KDM4B: variants seen among roughly 807,000 people sequenced by gnomAD.
The protein encoded by KDM4B is lysine demethylase 4B, also known as lysine-specific demethylase 4B.
In KDM4B, 32 loss-of-function variants were observed where a neutral mutation model predicts 125.2. The ratio of observed to expected loss-of-function variants is 0.26; its 90% CI spans 0.19 to 0.34. The LOEUF (loss-of-function observed/expected upper bound fraction) is 0.34, where lower values mean the gene tolerates loss of function less well. Ranked by LOEUF, KDM4B falls within the 10% of genes least tolerant of loss-of-function variation. The pLI is 1.00. For synonymous variants in KDM4B, 721 were observed against 677.9 expected (o/e 1.06, Z -0.99); for missense variants, 1,190 against 1,577.7 (o/e 0.75, Z 4.16).
At chr19:5,050,336 T>C (rs1429255823) in intron 6 of KDM4B, among the ~76,000 whole-genome samples, 1 of 152,238 alleles carries the variant, frequency 6.6e-6, no homozygotes, top group African/African-American at 2.4e-5. Flanking sequence ...TAAGAATATC[T>C]GAAGAGACTG....
chr19:5,134,404 C>A (rs568105148), intron 14 of KDM4B, among the ~76,000 whole-genome samples: 6 of 152,178 alleles, frequency 3.9e-5, no homozygotes, highest in Non-Finnish European at 5.9e-5. Context: ...CCCAGGTACA[C>A]CACCTGGGTG....
chr19:5,071,736 C>T (rs963225148), intron 7 of KDM4B, among the ~76,000 whole-genome samples: 5 of 152,222 alleles, frequency 3.3e-5, no homozygotes, highest in African/African-American at 1.2e-4. Flanking sequence ...CCTGAGCTCC[C>T]CTGACCACCC....
intron 1 of KDM4B, among the ~76,000 whole-genome samples, chr19:4,982,755 G>A (rs948789031): frequency 6.6e-6 from 1 of 152,028 alleles, no homozygotes; most frequent in Non-Finnish European, 1.5e-5. Flanking sequence ...TGGGACTACA[G>A]GCGCGTGCCA....
rs2039960601 is a variant in KDM4B at position 5,152,188 on chromosome 19, G to T, written c.*677G>T. The T allele has an allele frequency of 6.6e-6, 1 of 152,258 alleles. No individual in the cohort carries two copies. Among genetic ancestry groups the T allele is most frequent in the Non-Finnish European group, 1.5e-5 (1 of 68,068 alleles). 9.4% of individuals were successfully genotyped at this position (152,258 alleles called of 1,614,324 possible). ...GCTCTCGCCTCACCCCGGCTCCTGG[G>T]CTTTGATGGTCTGGTGCCAGTGCCT... On this transcript the variant is annotated 3_prime_UTR_variant, in exon 23 of 23. Coordinates refer to ENST00000159111, the MANE Select transcript of KDM4B (RefSeq NM_015015.3).
Position 5,141,049 on chromosome 19 carries a change from A to G in KDM4B, c.2551-2918A>G, listed in dbSNP as rs1430118851. 1.3e-5 allele frequency: 2 copies of G among 152,292 alleles called. No homozygotes were observed. The highest frequency in any genetic ancestry group is 1.3e-4 in the Admixed American group (2 of 15,288). 9.4% of individuals were successfully genotyped at this position (152,292 alleles called of 1,614,324 possible). A position where few individuals can be genotyped will look rare whatever the true frequency, so the allele number is the denominator to read the frequency against. ...GCAGGGTGGGTCTGCTGGGGAGACC[A>G]CAAGGGTGGGACTGATGCCGGCCAC... On this transcript the variant is annotated intron_variant, in intron 18 of 22. Transcript: ENST00000159111. This position sits in a 1 kb window ranked among gnomAD's most constrained non-coding sequence, Gnocchi z 6.4.
At chr19:5,070,823 C>T in intron 6 of KDM4B, 187 bp from the exon 7 acceptor site, 1 of 541,052 alleles carries the variant, frequency 1.8e-6, no homozygotes, top group South Asian at 2.5e-5. Flanking sequence ...CCCCACCTCG[C>T]TTCCTTACGG....
At chr19:5,074,402 G>A (rs994292496) in intron 7 of KDM4B, 1 of 152,246 alleles carries the variant, frequency 6.6e-6, no homozygotes, top group Non-Finnish European at 1.5e-5. Flanking sequence ...TGGAAGGGGT[G>A]TGCGAGTAAT....
intron 9 of KDM4B, among the ~76,000 whole-genome samples, chr19:5,106,041 C>T (rs1310597479): frequency 6.6e-6 from 1 of 152,218 alleles, no homozygotes; most frequent in East Asian, 1.9e-4. Flanking sequence ...TGATACATTT[C>T]CCTGTCTTGA....
intron 6 of KDM4B, 70 bp downstream of exon 6, chr19:5,047,739 C>T: frequency 6.7e-7 from 1 of 1,488,504 alleles, no homozygotes; most frequent in Middle Eastern, 2.0e-4. Flanking sequence ...ATCCCGGGTA[C>T]ACGGCTGGGC....
intron 1 of KDM4B, among the ~76,000 whole-genome samples, chr19:4,980,202 A>G (rs2034588241): frequency 6.6e-6 from 1 of 151,986 alleles, no homozygotes; most frequent in South Asian, 2.1e-4. Context: ...TTATTACACA[A>G]AGGCACTCTG....
chr19:5,050,904 T>G (rs1435015054), intron 6 of KDM4B, among the ~76,000 whole-genome samples: 1 of 151,992 alleles, frequency 6.6e-6, no homozygotes, highest in Non-Finnish European at 1.5e-5. Context: ...CGTCTCAAAA[T>G]AAATAAAAAA....
rs1211729920 is a variant in KDM4B, at chr19:5,060,457, AAAAAAAG to A, written c.627-10552_627-10546del. Among the ~76,000 whole-genome samples, 56 of 140,492 alleles carry A rather than the reference AAAAAAAG, an allele frequency of 4.0e-4. 4 individuals are homozygous for A. Among genetic ancestry groups the A allele is most frequent in the African/African-American group, 1.1e-3 (38 of 34,654 alleles). 92.2% of individuals were successfully genotyped at this position (140,492 alleles called of 152,430 possible). A position where few individuals can be genotyped will look rare whatever the true frequency, so the allele number is the denominator to read the frequency against. The stretch of plus-strand genomic sequence containing the variant: ...CCAAAAAAAAAAAAAAAAAAAAAAA[AAAAAAAG>A]GGAGCCATGATTGTTCTCCAGCTGC... On this transcript the variant is annotated intron_variant, in intron 6 of 22. Coordinates refer to ENST00000159111, the MANE Select transcript of KDM4B (RefSeq NM_015015.3).
intron 2 of KDM4B, among the ~76,000 whole-genome samples, chr19:5,027,640 A>G (rs1287638317): frequency 6.7e-6 from 1 of 148,698 alleles, no homozygotes; most frequent in Non-Finnish European, 1.5e-5. Flanking sequence ...TCCCGGGTTC[A>G]AGCAATTCTC....
At chr19:5,128,859 G>GT (rs1568314595) in intron 11 of KDM4B, among the ~76,000 whole-genome samples, 10 of 137,636 alleles carry the variant, frequency 7.3e-5, no homozygotes, top group Non-Finnish European at 3.2e-5. Context: ...GAGGCGGGGG[G>GT]CGGGGGGGGG....
intron 4 of KDM4B, 44 bp downstream of exon 4, chr19:5,040,055 G>T (rs1173600970): frequency 6.4e-7 from 1 of 1,563,342 alleles, no homozygotes; most frequent in Non-Finnish European, 8.7e-7. Flanking sequence ...GCCCCCGGGG[G>T]CACACCTGCT....
chr19:5,037,544 A>G (rs1005809106), intron 3 of KDM4B, among the ~76,000 whole-genome samples: 1 of 152,182 alleles, frequency 6.6e-6, no homozygotes, highest in Admixed American at 6.5e-5. Flanking sequence ...CATAGTGGAC[A>G]TGGAGAGTCT....
At chr19:5,033,534 C>T (rs1217793813) in intron 3 of KDM4B, among the ~76,000 whole-genome samples, 3 of 151,038 alleles carry the variant, frequency 2.0e-5, no homozygotes, top group African/African-American at 7.3e-5. Flanking sequence ...GAGCTATGAC[C>T]GTGCTACTGC....
Position 5,051,144 on chromosome 19 carries a change from C to T in KDM4B, c.626+3475C>T, listed in dbSNP as rs1020432461. On this transcript the variant is annotated intron_variant, in intron 6 of 22. Transcript: ENST00000159111. Reference sequence around the variant, plus strand: ...CCAGCAGCATCACATGCCACATGCCCCTAGAAGAGAGTTCCAGGCCGGGGT... The same window carrying T: ...CCAGCAGCATCACATGCCACATGCCTCTAGAAGAGAGTTCCAGGCCGGGGT... 5.3e-5 allele frequency among the ~76,000 whole-genome samples: 8 copies of T among 152,296 alleles called. No individual in the cohort carries two copies. In the South Asian group the frequency reaches 1.7e-3, roughly 32 times the overall value.
intron 9 of KDM4B, among the ~76,000 whole-genome samples, chr19:5,094,311 G>A (rs1217531718): frequency 6.6e-6 from 1 of 152,274 alleles, no homozygotes; most frequent in South Asian, 2.1e-4. Flanking sequence ...GCGGGGAACA[G>A]CACTGCTGGG....
Sources: gnomAD v4.1 joint callset for allele counts (sites outside exome capture counted in the v4.1 genomes callset) on GRCh38, gnomAD v4.1.1 for gene constraint, Gnocchi (gnomAD v3.1) non-coding constraint, MANE v1.5 for transcripts, NCBI Gene and HGNC (gene_info 2026-07-23, HGNC 2026-07-21) for gene names.